The following AK9 variants were observed in gnomAD, a reference collection of about 807,000 sequenced individuals.
The protein encoded by AK9 is adenylate kinase domain containing 1.
In AK9, 191 loss-of-function variants were observed where a neutral mutation model predicts 239.6. The ratio of observed to expected loss-of-function variants is 0.80; its 90% confidence interval spans 0.71 to 0.90. The LOEUF (loss-of-function observed/expected upper bound fraction) is 0.90, where lower values mean the gene tolerates loss of function less well. AK9 is among the 40% of genes least tolerant of loss of function. The probability of loss-of-function intolerance (pLI) is 0.00; values close to 1 mark genes in which losing one functional copy is unlikely to be tolerated. For synonymous variants in AK9, 689 were observed against 721.0 expected (o/e 0.96, Z 0.71); for missense variants, 1,995 against 2,214.7 (o/e 0.90, Z 1.99).
chr6:109,528,888 G>T (rs1368171952), intron 29 of AK9, 123 bp downstream of exon 29: 1 of 1,487,408 alleles, frequency 6.7e-7, no homozygotes, highest in East Asian at 2.5e-5. Context: ...TTGAGAGGCT[G>T]AGGTGGGAGG....
chr6:109,554,905 C>G (rs1387261725), intron 24 of AK9, among the ~76,000 whole-genome samples: 2 of 152,078 alleles, frequency 1.3e-5, no homozygotes, highest in African/African-American at 4.8e-5. Context: ...TTTGATTCCT[C>G]TCTCTCAGTA....
chr6:109,532,307 G>A (rs1288588237), intron 28 of AK9, among the ~76,000 whole-genome samples: 2 of 152,100 alleles, frequency 1.3e-5, no homozygotes, highest in Non-Finnish European at 2.9e-5. Context: ...CCTACCAATG[G>A]TAGTTCTTTC....
chr6:109,566,719 G>A (rs1464941295), intron 21 of AK9, among the ~76,000 whole-genome samples: 2 of 152,044 alleles, frequency 1.3e-5, no homozygotes, highest in Non-Finnish European at 2.9e-5. Flanking sequence ...GACTCAGAAG[G>A]GAGCAGGGTA....
chr6:109,620,472 A>G (rs1794681656), intron 12 of AK9, among the ~76,000 whole-genome samples: 1 of 152,138 alleles, frequency 6.6e-6, no homozygotes, highest in African/African-American at 2.4e-5. Flanking sequence ...GCTTTTGCCT[A>G]AAATTGTGTT....
intron 25 of AK9, 100 bp downstream of exon 25, chr6:109,549,990 C>T (rs1784160927): frequency 5.6e-6 from 7 of 1,257,576 alleles, no homozygotes; most frequent in Admixed American, 2.2e-5. Context: ...ATTGTAATAT[C>T]AGATTGGGGA....
At chr6:109,650,076 A>G (rs1798695120) in intron 8 of AK9, among the ~76,000 whole-genome samples, 1 of 152,252 alleles carries the variant, frequency 6.6e-6, no homozygotes. Context: ...CCTCATACAA[A>G]AATTAATTCA....
chr6:109,565,925 C>G (rs1319118286), intron 21 of AK9, among the ~76,000 whole-genome samples: 1 of 152,078 alleles, frequency 6.6e-6, no homozygotes, highest in Non-Finnish European at 1.5e-5. Flanking sequence ...TAGAAGGGGA[C>G]AAGCCTGGGA....
chr6:109,579,498 C>T (rs778237078), intron 20 of AK9, 52 bp downstream of exon 20: 1 of 1,459,882 alleles, frequency 6.8e-7, no homozygotes, highest in African/African-American at 1.4e-5. Flanking sequence ...ACTGCAATTG[C>T]TTGCAGTAAC....
In AK9 at chr6:109,542,961, A is replaced by G. The variant is rs138657064; in HGVS notation, c.3226-790T>C. Among the ~76,000 whole-genome samples the G allele has an allele frequency of 1.7e-4, 26 of 152,298 alleles. No individual in the cohort carries two copies. In the East Asian group the frequency reaches 4.0e-3, roughly 24 times the overall value. ...TGCTAAACCTTTTTCAATTTATCACACACACGCCTATAAGGCTTAACTGAT... is the reference window on the plus strand; with the variant it reads ...TGCTAAACCTTTTTCAATTTATCACGCACACGCCTATAAGGCTTAACTGAT... On this transcript the variant is annotated intron_variant, in intron 26 of 40. Transcript: ENST00000424296.
chr6:109,526,340 A>G (rs1780519589), intron 29 of AK9, among the ~76,000 whole-genome samples: 1 of 152,198 alleles, frequency 6.6e-6, no homozygotes, highest in Non-Finnish European at 1.5e-5. Context: ...TTCAAAAGAA[A>G]AAAAGGCAAT....
At chr6:109,572,333 G>C (rs943303958) in intron 21 of AK9, among the ~76,000 whole-genome samples, 1 of 152,092 alleles carries the variant, frequency 6.6e-6, no homozygotes, top group African/African-American at 2.4e-5. Context: ...TGCAAGTAGG[G>C]GTAGATGACG....
At chr6:109,654,306 G>C (rs1799379107) in intron 8 of AK9, among the ~76,000 whole-genome samples, 2 of 151,786 alleles carry the variant, frequency 1.3e-5, no homozygotes, top group East Asian at 3.8e-4. Context: ...TTTGAACAAG[G>C]CATCACATCG....
intron 29 of AK9, among the ~76,000 whole-genome samples, chr6:109,527,105 A>AGACG (rs1473085029): frequency 6.6e-6 from 1 of 152,208 alleles, no homozygotes; most frequent in African/African-American, 2.4e-5. Flanking sequence ...GGAGACCCAG[A>AGACG]GACGGAGCCA....
intron 7 of AK9, among the ~76,000 whole-genome samples, chr6:109,658,082 A>G (rs1370321298): frequency 6.6e-6 from 1 of 152,188 alleles, no homozygotes; most frequent in Non-Finnish European, 1.5e-5. Flanking sequence ...TTGGACAACA[A>G]TGTTTCAGGC....
At chr6:109,678,101 A>C (rs1772028607) in intron 1 of AK9, among the ~76,000 whole-genome samples, 1 of 152,238 alleles carries the variant, frequency 6.6e-6, no homozygotes, top group Non-Finnish European at 1.5e-5. Flanking sequence ...TCACGTAAAA[A>C]CATATACATT....
At chr6:109,639,836 G>C (rs1439424048) in intron 10 of AK9, among the ~76,000 whole-genome samples, 1 of 152,172 alleles carries the variant, frequency 6.6e-6, no homozygotes, top group Non-Finnish European at 1.5e-5. Context: ...TAAGGTGTAA[G>C]GAAGGGATCC....
chr6:109,657,052 G>A (rs1177131018), intron 7 of AK9, among the ~76,000 whole-genome samples, 168 bp from the exon 8 acceptor site: 1 of 152,100 alleles, frequency 6.6e-6, no homozygotes, highest in Non-Finnish European at 1.5e-5. Context: ...GACTCCTAAC[G>A]GGTCTTCATC....
intron 5 of AK9, 27 bp downstream of exon 5, chr6:109,671,892 G>A: frequency 1.3e-6 from 2 of 1,597,584 alleles, no homozygotes; most frequent in East Asian, 2.2e-5. Flanking sequence ...TGCTTTGTGG[G>A]CTGTAAATAT....
In AK9 at chr6:109,633,094, A is replaced by T. The variant is rs761374914; in HGVS notation, c.1083T>A (p.Gly361=). The T allele has an allele frequency of 6.5e-7, 1 of 1,545,264 alleles. No individual in the cohort carries two copies. The highest frequency in any genetic ancestry group is 2.3e-5 in the Admixed American group (1 of 44,014). ...GLPDYSVSFL[G]KIYCLSSEEA... is the part of the protein sequence containing the mutation. ...CTTCTGATGAAAGACAGTAGATTTT[A>T]CCTAGAAAACTTAAAATATGCCATA... is the stretch of plus-strand genomic sequence containing the variant. The change falls in exon 12 of 41, where the codon GGT becomes GGA. Residue 361 remains glycine (G), a synonymous_variant. Transcript: ENST00000424296.
Sources: gnomAD v4.1 joint callset for allele counts (sites outside exome capture counted in the v4.1 genomes callset) on GRCh38, gnomAD v4.1.1 for gene constraint, MANE v1.5 for transcripts, NCBI Gene and HGNC (gene_info 2026-07-23, HGNC 2026-07-21) for gene names.